Variants in LIPT1 observed in about 807,000 individuals in gnomAD.
LIPT1 encodes lipoyltransferase 1, also known as lipoyl amidotransferase LIPT1, mitochondrial.
Under a neutral mutation model 25.1 loss-of-function variants are expected in LIPT1, and 22 were observed. That is an observed-to-expected ratio of 0.88 (90% CI 0.63 to 1.25). The LOEUF (loss-of-function observed/expected upper bound fraction) is 1.25, where lower values mean the gene tolerates loss of function less well. LIPT1 is among the 50% of genes most tolerant of loss of function. The pLI, the probability that LIPT1 is intolerant of heterozygous loss-of-function variation, is 0.00. For synonymous variants in LIPT1, 131 were observed against 150.8 expected (o/e 0.87, Z 0.96); for missense variants, 399 against 432.8 (o/e 0.92, Z 0.69).
At position 99,154,996 on chromosome 2, in the gene LIPT1, A is replaced by C. The variant is rs189062551; in HGVS notation, c.-57A>C. The C allele has an allele frequency of 2.0e-3, 918 of 455,870 alleles. No homozygotes were observed. Among genetic ancestry groups the C allele is most frequent in the Admixed American group, 3.7e-3 (159 of 42,568 alleles). 28.2% of individuals were successfully genotyped at this position (455,870 alleles called of 1,614,324 possible). On this transcript the variant is annotated 5_prime_UTR_variant, in exon 1 of 2. Transcript: ENST00000651691. Reference sequence around the variant, plus strand: ...CCTGCCGGTTGCTCGGGGTCGTATGACGCACTTTTCCAGCTCGAGCCCTCA... The same window carrying C: ...CCTGCCGGTTGCTCGGGGTCGTATGCCGCACTTTTCCAGCTCGAGCCCTCA...
chr2:99,161,352 A>G (rs2093791332), intron 1 of LIPT1: 1 of 121,300 alleles, frequency 8.2e-6, no homozygotes. Context: ...TGAATGTCGA[A>G]TGAAATAATA....
Position 99,162,073 on chromosome 2 carries a change from A to G in LIPT1, c.116A>G (p.Asn39Ser), listed in dbSNP as rs770338655. 1.2e-6 allele frequency: 2 copies of G among 1,614,166 alleles called. No homozygotes were observed. Among genetic ancestry groups the G allele is most frequent in the South Asian group, 1.1e-5 (1 of 91,084 alleles). Residue 39 changes from asparagine to serine, a missense_variant, in exon 2 of 2, where the codon AAT becomes AGT. Transcript: ENST00000651691. ...GGGCTCATTTTACAGTCAATTTCCA[A>G]TGATGTCTATCAAAATCTGGCTGTG... The part of the protein sequence containing the change: ...KNGLILQSIS[N>S]DVYQNLAVED...
intron 1 of LIPT1, among the ~76,000 whole-genome samples, chr2:99,158,549 A>G (rs2093767728): frequency 6.6e-6 from 1 of 151,968 alleles, no homozygotes; most frequent in Non-Finnish European, 1.5e-5. Context: ...ACTGCACTCC[A>G]TCCTGGGCAA....
chr2:99,161,331 T>TAG, intron 1 of LIPT1: 1 of 101,410 alleles, frequency 9.9e-6, no homozygotes, highest in African/African-American at 4.2e-5. Flanking sequence ...TATATATATA[T>TAG]ATATATAGAT....
At position 99,162,659 on chromosome 2, in the gene LIPT1, G is replaced by C. The variant is rs745982392; in HGVS notation, c.702G>C (p.Glu234Asp). ...CEVLMNAVAT[E>D]YAAYHQIDNH... ...TACTAATGAATGCTGTTGCTACAGA[G>C]TATGCTGCTTATCATCAAATTGATA... Residue 234 changes from glutamate to aspartate, a missense_variant, in exon 2 of 2, where the codon GAG becomes GAC. Coordinates refer to ENST00000651691, the MANE Select transcript of LIPT1 (RefSeq NM_145199.3). 2.5e-6 allele frequency: 4 copies of C among 1,614,152 alleles called. No individual in the cohort carries two copies. Among genetic ancestry groups the C allele is most frequent in the Non-Finnish European group, 3.4e-6 (4 of 1,179,990 alleles).
chr2:99,161,270 A>T (rs111947437), intron 1 of LIPT1, among the ~76,000 whole-genome samples: 1 of 24,754 alleles, frequency 4.0e-5, no homozygotes, highest in African/African-American at 1.2e-4. Context: ...AAAAAAAAAA[A>T]AAAAAAAAAA....
In LIPT1 at chr2:99,162,224, G is replaced by T. The variant is rs2093799222; in HGVS notation, c.267G>T (p.Met89Ile). The T allele has an allele frequency of 6.2e-7, 1 of 1,613,960 alleles. No individual in the cohort carries two copies. Among genetic ancestry groups the T allele is most frequent in the Non-Finnish European group, 8.5e-7 (1 of 1,180,010 alleles). ...GGCAGGAATGTAACCTGAATCTAAT[G>T]AGAGAAGAAGGTATAAAACTGGCTC... Reference protein sequence around the residue: ...NPWQECNLNLMREEGIKLARR... With the variant: ...NPWQECNLNLIREEGIKLARR... The change falls in exon 2 of 2, where the codon ATG becomes ATT. Residue 89 changes from methionine (M) to isoleucine (I), a missense_variant. Physicochemically the swap from Met to Ile is conservative, Grantham distance 10. Transcript: ENST00000651691.
At chr2:99,155,516 G>C (rs925636562) in intron 1 of LIPT1, 8 of 455,862 alleles carry the variant, frequency 1.8e-5, no homozygotes, top group African/African-American at 1.6e-4. Context: ...GCAGTGCAGA[G>C]GTAGCGAAGT....
chr2:99,156,149 C>A (rs2105182278), intron 1 of LIPT1, among the ~76,000 whole-genome samples: 1 of 152,314 alleles, frequency 6.6e-6, no homozygotes, highest in African/African-American at 2.4e-5. Context: ...TTTACGTGTT[C>A]AGGTGCTTAG....
chr2:99,162,820 T>C lies in LIPT1; in HGVS notation c.863T>C (p.Leu288Ser), dbSNP rs770520147. ...AGTATAAATACTTCCTTTCATGTGTTATATGAACAGTCACACTTGGAAATT... is the reference window on the plus strand; with the variant it reads ...AGTATAAATACTTCCTTTCATGTGTCATATGAACAGTCACACTTGGAAATT... ...KFSINTSFHV[L>S]YEQSHLEIKV... is the part of the protein sequence containing the mutation. The change falls in exon 2 of 2, where the codon TTA (leucine) becomes TCA (serine). Residue 288 changes from leucine to serine, a missense_variant. Physicochemically the swap from Leu to Ser is moderately radical, Grantham distance 145. Coordinates refer to ENST00000651691, the MANE Select transcript of LIPT1 (RefSeq NM_145199.3). The C allele has an allele frequency of 6.2e-7, 1 of 1,613,974 alleles. No homozygotes were observed. Among genetic ancestry groups the C allele is most frequent in the Non-Finnish European group, 8.5e-7 (1 of 1,179,838 alleles).
chr2:99,156,843 T>TA, intron 1 of LIPT1: 1 of 152,360 alleles, frequency 6.6e-6, no homozygotes, highest in East Asian at 1.9e-4. Context: ...GGACTATAGT[T>TA]AATTTATCAA....
At chr2:99,159,284 C>T (rs1467157543) in intron 1 of LIPT1, among the ~76,000 whole-genome samples, 5 of 152,134 alleles carry the variant, frequency 3.3e-5, no homozygotes, top group Non-Finnish European at 7.4e-5. Flanking sequence ...AGGATGGTCT[C>T]GATCTCCTGA....
At chr2:99,155,124 C>T (rs373913925) in intron 1 of LIPT1, 73 bp downstream of exon 1, 5 of 449,252 alleles carry the variant, frequency 1.1e-5, no homozygotes, top group East Asian at 7.0e-5. Context: ...GGGTCTTGGG[C>T]GCGCGCGGTG....
At chr2:99,159,084 A>G (rs2093770023) in intron 1 of LIPT1, among the ~76,000 whole-genome samples, 2 of 152,198 alleles carry the variant, frequency 1.3e-5, no homozygotes, top group East Asian at 1.9e-4. Context: ...GCCCGCCACC[A>G]TGCCCGGCTA....
Position 99,158,934 on chromosome 2 carries a change from T to C in LIPT1, c.-1-3023T>C, listed in dbSNP as rs564583218. On this transcript the variant is annotated intron_variant, in intron 1 of 1. Coordinates refer to ENST00000651691, the MANE Select transcript of LIPT1 (RefSeq NM_145199.3). ...GCAAGGACAGGTTCACCTTCTTTTC[T>C]TTTTTTTTCTTTTAGACGGAGTCTT... Among the ~76,000 whole-genome samples, 5 of 151,698 alleles carry C rather than the reference T, an allele frequency of 3.3e-5. 1 individual carries two copies. The highest frequency in any genetic ancestry group is 1.2e-4 in the African/African-American group (5 of 41,380).
At position 99,162,765 on chromosome 2, in the gene LIPT1, GA is replaced by G. The variant is rs1275124598; in HGVS notation, c.809del (p.Glu270GlyfsTer12). Reference sequence around the variant, plus strand: ...CAAAGCCAAAGAACTGCAAACTTGGGAGTGGATATATGGCAAAACTCCAAAG... The same window carrying G: ...CAAAGCCAAAGAACTGCAAACTTGGGGTGGATATATGGCAAAACTCCAAAG... ...NSKAKELQTW[E>X]WIYGKTPKFS... is the part of the protein sequence containing the mutation. On this transcript the variant is annotated frameshift_variant, in exon 2 of 2. Transcript: ENST00000651691. LOFTEE classifies it high-confidence loss of function. 1.2e-6 allele frequency: 2 copies of G among 1,614,122 alleles called. No homozygotes were observed. Among genetic ancestry groups the G allele is most frequent in the Non-Finnish European group, 1.7e-6 (2 of 1,179,980 alleles).
intron 1 of LIPT1, 192 bp downstream of exon 1, chr2:99,155,243 C>T (rs2105177798): frequency 2.7e-6 from 1 of 369,210 alleles, no homozygotes; most frequent in South Asian, 2.0e-5. Context: ...CTGTTAGGAA[C>T]GGTTGATCCC....
At chr2:99,158,745 C>G (rs1191344871) in intron 1 of LIPT1, among the ~76,000 whole-genome samples, 1 of 152,154 alleles carries the variant, frequency 6.6e-6, no homozygotes, top group Non-Finnish European at 1.5e-5. Flanking sequence ...TTCTTTATCC[C>G]TTTTATGTCT....
intron 1 of LIPT1, among the ~76,000 whole-genome samples, chr2:99,158,676 T>G (rs890495353): frequency 1.3e-5 from 2 of 152,186 alleles, no homozygotes; most frequent in Non-Finnish European, 2.9e-5. Context: ...TAGAATTAAA[T>G]TATTTGCATG....
Sources: gnomAD v4.1 joint callset for allele counts (sites outside exome capture counted in the v4.1 genomes callset) on GRCh38, gnomAD v4.1.1 for gene constraint, MANE v1.5 for transcripts, NCBI Gene and HGNC (gene_info 2026-07-23, HGNC 2026-07-21) for gene names.